The following MAGEB3 variants were observed in gnomAD, a reference collection of about 807,000 sequenced individuals.
The protein encoded by MAGEB3 is melanoma-associated antigen B3.
For missense variants in MAGEB3, 191 were observed against 262.4 expected, an observed-to-expected ratio of 0.73 and a Z score of 1.88; for synonymous variants, 91 against 93.0, an observed-to-expected ratio of 0.98 and a Z score of 0.12.
At chrX:30,234,879 G>A (rs979535954) in intron 4 of MAGEB3, among the ~76,000 whole-genome samples, 2 of 111,600 alleles carry the variant, frequency 1.8e-5, no homozygotes, top group African/African-American at 6.5e-5. Flanking sequence ...GTTAATGGAG[G>A]GAAGTGTCCC....
chrX:30,236,760 C>T lies in MAGEB3; in HGVS notation c.836C>T (p.Ala279Val). 8.3e-7 allele frequency: 1 copy of T among 1,212,024 alleles called. No individual in the cohort carries two copies. The highest frequency in any genetic ancestry group is 1.1e-6 in the Non-Finnish European group (1 of 895,515). ...TATGAATTCCTGTGGGGTCCAAGAG[C>T]CCATGCTGAAACCAGCAAGATGAAG... ...ARYEFLWGPR[A>V]HAETSKMKVL... The change falls in exon 5 of 5, where the codon GCC (alanine) becomes GTC (valine). Residue 279 changes from alanine (A) to valine (V), a missense_variant. By Grantham distance (64) the Ala-to-Val change is moderately conservative (BLOSUM62 0). Transcript: ENST00000361644.
chrX:30,236,689 T>G lies in MAGEB3; in HGVS notation c.765T>G (p.Leu255=). Reference sequence around the variant, plus strand: ...TCATCACCCAAGATTTGGTGAAGCTTAAATACCTGGAGTACCGACAAGTGC... The same window carrying G: ...TCATCACCCAAGATTTGGTGAAGCTGAAATACCTGGAGTACCGACAAGTGC... ...RKLITQDLVK[L]KYLEYRQVPN... Residue 255 remains leucine, a synonymous_variant, in exon 5 of 5, where the codon CTT becomes CTG. Transcript: ENST00000361644. 8.3e-7 allele frequency: 1 copy of G among 1,212,071 alleles called. No individual in the cohort carries two copies. Among genetic ancestry groups the G allele is most frequent in the Non-Finnish European group, 1.1e-6 (1 of 895,580 alleles).
Position 30,236,178 on chromosome X carries a change from G to A in MAGEB3, c.254G>A (p.Gly85Glu), listed in dbSNP as rs1601962352. The part of the protein sequence containing the change: ...VDVSYKKSYK[G>E]ANSKIEKKQS... The stretch of plus-strand genomic sequence containing the variant: ...GTTTCTTACAAAAAGTCATACAAGG[G>A]AGCCAACAGCAAAATTGAGAAAAAG... Residue 85 changes from glycine to glutamate, a missense_variant, in exon 5 of 5, where the codon GGA (glycine) becomes GAA (glutamate). Transcript: ENST00000361644. 1 of 1,210,208 alleles carries A rather than the reference G, an allele frequency of 8.3e-7. No individual in the cohort carries two copies. The highest frequency in any genetic ancestry group is 1.1e-6 in the Non-Finnish European group (1 of 894,836).
Position 30,235,917 on chromosome X carries a change from C to T in MAGEB3, c.-8C>T, listed in dbSNP as rs1298168054. 9 of 1,186,505 alleles carry T rather than the reference C, an allele frequency of 7.6e-6. No homozygotes were observed. In the South Asian group the frequency reaches 7.7e-5, roughly 10 times the overall value. ...CACTCCTGCCTGCTGTTCCTGACTA[C>T]AGCCATCATGCCTCGGGGTCAGAAG... On this transcript the variant is annotated 5_prime_UTR_variant, in exon 5 of 5. Transcript: ENST00000361644.
intron 2 of MAGEB3, among the ~76,000 whole-genome samples, chrX:30,232,330 G>A (rs1447951386): frequency 9.0e-6 from 1 of 111,517 alleles, no homozygotes; most frequent in Non-Finnish European, 1.9e-5. Context: ...TCAAGATGAA[G>A]ACCAAGCCGG....
At chrX:30,230,992 CA>C (rs1474396981) in intron 1 of MAGEB3, among the ~76,000 whole-genome samples, 175 bp downstream of exon 1, 2 of 111,179 alleles carry the variant, frequency 1.8e-5, no homozygotes, top group African/African-American at 6.5e-5. Flanking sequence ...CTCAGTTCTT[CA>C]GAGGTCTCTT....
At chrX:30,231,691 AAAAAAAAAAAAGAAAG>A (rs1924794383) in intron 2 of MAGEB3, 73 bp downstream of exon 2, 1 of 97,544 alleles carries the variant, frequency 1.0e-5, no homozygotes, top group African/African-American at 3.9e-5. Flanking sequence ...AAAAAAAAAA[AAAAAAAAAAAAGAAAG>A]AAAGAAAGAA....
In MAGEB3 at chrX:30,236,302, C is replaced by T. The variant is rs778666100; in HGVS notation, c.378C>T (p.Tyr126=). Residue 126 remains tyrosine, a synonymous_variant, in exon 5 of 5, where the codon TAC becomes TAT. Coordinates refer to ENST00000361644, the MANE Select transcript of MAGEB3 (RefSeq NM_002365.5). ...TGGTGCAGTTCCTGATGGAAATGTA[C>T]AAGATGAAAAAGCCCATTATGAAAG... ...NMLVQFLMEM[Y]KMKKPIMKAD... The T allele has an allele frequency of 1.7e-6, 2 of 1,206,051 alleles. No homozygotes were observed. Among genetic ancestry groups the T allele is most frequent in the Non-Finnish European group, 2.2e-6 (2 of 894,099 alleles).
At chrX:30,231,154 CAA>C (rs753383524) in intron 1 of MAGEB3, among the ~76,000 whole-genome samples, 40 of 87,386 alleles carry the variant, frequency 4.6e-4, no homozygotes, top group Admixed American at 1.3e-3. Context: ...CCTGTCTCTA[CAA>C]AAAAAAAAAA....
chrX:30,231,699 A>AAAAAAAAAAAAAAG, intron 2 of MAGEB3, 81 bp downstream of exon 2: 1 of 69,296 alleles, frequency 1.4e-5, no homozygotes, highest in Non-Finnish European at 2.8e-5. Context: ...AAAAAAAAAA[A>AAAAAAAAAAAAAAG]AAAGAAAGAA....
At position 30,230,750 on chromosome X, in the gene MAGEB3, T is replaced by G. The variant is rs927851013; in HGVS notation, c.-423T>G. On this transcript the variant is annotated 5_prime_UTR_variant, in exon 1 of 5. Coordinates refer to ENST00000361644, the MANE Select transcript of MAGEB3 (RefSeq NM_002365.5). ...CAGCCTAGATCTCGGAGGACCTTGA[T>G]CTGAGCAGGATTCATGGCATGGAAT... 2 of 110,987 alleles carry G rather than the reference T, an allele frequency of 1.8e-5. No individual in the cohort carries two copies. The highest frequency in any genetic ancestry group is 3.8e-5 in the Non-Finnish European group (2 of 52,935). The allele number at this position is 110,987 out of a possible 1,213,427, so 9.1% of individuals were successfully genotyped here.
At chrX:30,235,167 G>C (rs1400887423) in intron 4 of MAGEB3, among the ~76,000 whole-genome samples, 1 of 111,569 alleles carries the variant, frequency 9.0e-6, no homozygotes, top group Non-Finnish European at 1.9e-5. Flanking sequence ...ACATAAAGAA[G>C]AGACAACAAA....
Position 30,230,815 on chromosome X carries a change from T to C in MAGEB3, c.-358T>C, listed in dbSNP as rs1924755914. On this transcript the variant is annotated splice_region_variant and 5_prime_UTR_variant, in exon 1 of 5. Coordinates refer to ENST00000361644, the MANE Select transcript of MAGEB3 (RefSeq NM_002365.5). ...CTGGCCAGCAGCGAAGTGAGGTTCT[T>C]GAGTGAGTAAAAAAGGGAAAACTAA... is the stretch of plus-strand genomic sequence containing the variant. 9.0e-6 allele frequency: 1 copy of C among 111,211 alleles called. No homozygotes were observed. 9.2% of individuals were successfully genotyped at this position (111,211 alleles called of 1,213,427 possible).
At chrX:30,234,590 T>G (rs992186654) in intron 4 of MAGEB3, among the ~76,000 whole-genome samples, 3 of 110,971 alleles carry the variant, frequency 2.7e-5, no homozygotes, top group African/African-American at 9.9e-5. Context: ...GGGAATACCT[T>G]GAAAGCTGTC....
chrX:30,233,078 A>C lies in MAGEB3; in HGVS notation c.-164+162A>C, dbSNP rs1011970871. 7.4e-5 allele frequency among the ~76,000 whole-genome samples: 8 copies of C among 108,601 alleles called. 1 individual carries two copies. The Admixed American group carries it at 7.9e-4, about 11-fold the overall frequency. The allele number at this position is 108,601 out of a possible 115,157, so 94.3% of individuals were successfully genotyped here. ...AAATTAGCCGGGCGTGGTGGGGCAC[A>C]GGTGTAGTCCCAGCTATTCGGGAGG... is the stretch of plus-strand genomic sequence containing the variant. On this transcript the variant is annotated intron_variant, in intron 3 of 4. Transcript: ENST00000361644.
At chrX:30,232,098 A>C (rs1469564618) in intron 2 of MAGEB3, among the ~76,000 whole-genome samples, 2 of 112,189 alleles carry the variant, frequency 1.8e-5, no homozygotes, top group Non-Finnish European at 3.8e-5. Context: ...AGCTTCAGTC[A>C]GGTTCGTGGC....
chrX:30,235,294 GGCA>G (rs957080475), intron 4 of MAGEB3, among the ~76,000 whole-genome samples: 4 of 111,530 alleles, frequency 3.6e-5, no homozygotes, highest in Admixed American at 9.5e-5. Context: ...TAAAGTGAGG[GGCA>G]TCAGAGCAGC....
At chrX:30,233,930 CCTGGACCCTAA>C (rs1924904408) in intron 4 of MAGEB3, among the ~76,000 whole-genome samples, 1 of 111,863 alleles carries the variant, frequency 8.9e-6, no homozygotes, top group African/African-American at 3.3e-5. Context: ...TTGGCGGGGA[CCTGGACCCTAA>C]CTGGAGCCAA....
At chrX:30,233,414 C>A (rs1924877328) in intron 4 of MAGEB3, 51 bp downstream of exon 4, 1 of 51,709 alleles carries the variant, frequency 1.9e-5, no homozygotes, top group Non-Finnish European at 3.8e-5. Context: ...AGAGAGAGCC[C>A]CTGTCACAAA....
Sources: gnomAD v4.1 joint callset for allele counts (sites outside exome capture counted in the v4.1 genomes callset) on GRCh38, gnomAD v4.1.1 for gene constraint, MANE v1.5 for transcripts, NCBI Gene and HGNC (gene_info 2026-07-23, HGNC 2026-07-21) for gene names.